LRP1B: variants seen among roughly 807,000 people sequenced by gnomAD.
LRP1B encodes low-density lipoprotein receptor-related protein 1B.
In LRP1B, 217 loss-of-function variants were observed where a neutral mutation model predicts 556.6. The ratio of observed to expected loss-of-function variants is 0.39; its 90% CI spans 0.35 to 0.44. The LOEUF (loss-of-function observed/expected upper bound fraction) is 0.44, where lower values mean the gene tolerates loss of function less well. Among genes scored for constraint, LRP1B ranks in the 20% least tolerant of loss-of-function variants. The pLI is 1.00. For missense variants in LRP1B, 5,053 were observed against 5,620.8 expected (o/e 0.90, Z 3.23); for synonymous variants, 2,047 against 1,865.8 (o/e 1.10, Z -2.50).
intron 3 of LRP1B, among the ~76,000 whole-genome samples, chr2:141,470,905 T>C (rs980930794): frequency 6.6e-6 from 1 of 152,228 alleles, no homozygotes; most frequent in African/African-American, 2.4e-5. Context: ...AGCTTGCTAA[T>C]GGTGAAATTA....
chr2:141,481,251 T>A (rs926513977), intron 2 of LRP1B, among the ~76,000 whole-genome samples: 9 of 152,150 alleles, frequency 5.9e-5, no homozygotes, highest in African/African-American at 2.2e-4. Flanking sequence ...TCTCAAAGTT[T>A]ACCCATTCCA....
At chr2:140,878,414 A>T (rs1321447084) in intron 25 of LRP1B, among the ~76,000 whole-genome samples, 2 of 152,178 alleles carry the variant, frequency 1.3e-5, no homozygotes, top group Non-Finnish European at 2.9e-5. Flanking sequence ...ATCACAAAAT[A>T]ATACAATATG....
At chr2:140,346,218 CT>C (rs1230084735) in intron 77 of LRP1B, among the ~76,000 whole-genome samples, 1 of 151,650 alleles carries the variant, frequency 6.6e-6, no homozygotes, top group Non-Finnish European at 1.5e-5. Flanking sequence ...CTGGTTCCCC[CT>C]AAAATGCTAC....
At chr2:141,414,683 C>G (rs1691019129) in intron 3 of LRP1B, among the ~76,000 whole-genome samples, 2 of 152,222 alleles carry the variant, frequency 1.3e-5, no homozygotes, top group African/African-American at 2.4e-5. Context: ...TTTCTGCAGT[C>G]TAGATGCCAA....
chr2:141,339,186 G>T, intron 3 of LRP1B, among the ~76,000 whole-genome samples: 1 of 146,250 alleles, frequency 6.8e-6, no homozygotes, highest in Admixed American at 6.8e-5. Flanking sequence ...AAAAGATATT[G>T]TTTTACTCTA....
At chr2:140,532,244 T>C (rs1690727740) in intron 47 of LRP1B, among the ~76,000 whole-genome samples, 1 of 152,168 alleles carries the variant, frequency 6.6e-6, no homozygotes, top group South Asian at 2.1e-4. Flanking sequence ...TTTTGAAATG[T>C]AAATTTGATT....
At chr2:141,899,010 T>A (rs1699538621) in intron 1 of LRP1B, among the ~76,000 whole-genome samples, 2 of 152,184 alleles carry the variant, frequency 1.3e-5, no homozygotes, top group Non-Finnish European at 2.9e-5. Context: ...TCTGCCAAAT[T>A]GTTCTCTATC....
intron 2 of LRP1B, among the ~76,000 whole-genome samples, chr2:141,661,495 T>C (rs748065191): frequency 7.9e-5 from 12 of 152,278 alleles, no homozygotes; most frequent in Non-Finnish European, 1.6e-4. Flanking sequence ...AATGACCTGA[T>C]GGACTTGAAA....
At chr2:140,412,802 G>C (rs1042199110) in intron 66 of LRP1B, among the ~76,000 whole-genome samples, 5 of 151,772 alleles carry the variant, frequency 3.3e-5, no homozygotes, top group Non-Finnish European at 7.4e-5. Flanking sequence ...CCATTAATAT[G>C]GTATCTACGT....
chr2:141,505,621 C>G (rs1239613000), intron 2 of LRP1B, among the ~76,000 whole-genome samples: 1 of 151,972 alleles, frequency 6.6e-6, no homozygotes, highest in Non-Finnish European at 1.5e-5. Context: ...TTTGTCCTCA[C>G]TAACTAAAAT....
intron 2 of LRP1B, among the ~76,000 whole-genome samples, chr2:141,660,752 C>G (rs985398391): frequency 1.3e-5 from 2 of 152,144 alleles, no homozygotes; most frequent in Admixed American, 6.5e-5. Flanking sequence ...CCCCTGCTGG[C>G]TCTGAAAAAT....
At position 141,792,307 on chromosome 2, in the gene LRP1B, CA is replaced by C. The variant is rs550316341; in HGVS notation, c.205+17971del. Among the ~76,000 whole-genome samples the C allele has an allele frequency of 8.5e-5, 13 of 152,054 alleles. No homozygotes were observed. The East Asian group carries it at 2.1e-3, about 25-fold the overall frequency. On this transcript the variant is annotated intron_variant, in intron 2 of 90. Coordinates refer to ENST00000389484, the MANE Select transcript of LRP1B (RefSeq NM_018557.3). ...ATTGATCTCAGACCCATACTTTTGA[CA>C]TTCAAAACTCAGAATCTTGTCTATT...
chr2:141,459,476 G>T (rs1333289970), intron 3 of LRP1B, among the ~76,000 whole-genome samples: 1 of 152,096 alleles, frequency 6.6e-6, no homozygotes, highest in Non-Finnish European at 1.5e-5. Flanking sequence ...GAAGTTCACT[G>T]CAATTTCTTT....
rs1349855210 is a variant in LRP1B, at chr2:140,858,390, C to CA, written c.4580-6608dup. On this transcript the variant is annotated intron_variant, in intron 27 of 90. Coordinates refer to ENST00000389484, the MANE Select transcript of LRP1B (RefSeq NM_018557.3). ...AGATACGAGTTAACAGTGAGGAGAA[C>CA]AATACAATGTATTATGTATGTATGT... Among the ~76,000 whole-genome samples, 61 of 150,918 alleles carry CA rather than the reference C, an allele frequency of 4.0e-4. 1 individual carries two copies. Among genetic ancestry groups the CA allele is most frequent in the Middle Eastern group, 7.0e-3 (2 of 286 alleles).
intron 20 of LRP1B, among the ~76,000 whole-genome samples, chr2:140,942,534 T>C (rs187222371): frequency 6.6e-6 from 1 of 152,202 alleles, no homozygotes; most frequent in African/African-American, 2.4e-5. Flanking sequence ...TAAAGGCAGC[T>C]AGAGACAAAA....
At chr2:140,748,784 A>AATATATATG (rs1491516393) in intron 35 of LRP1B, among the ~76,000 whole-genome samples, 8 of 43,062 alleles carry the variant, frequency 1.9e-4, no homozygotes, top group African/African-American at 4.5e-4. Flanking sequence ...ATATGTATAT[A>AATATATATG]ATATATATTA....
intron 3 of LRP1B, among the ~76,000 whole-genome samples, chr2:141,412,509 T>C (rs974603917): frequency 6.6e-6 from 1 of 152,192 alleles, no homozygotes; most frequent in African/African-American, 2.4e-5. Context: ...TCCTCTCAAC[T>C]ATATAATAGT....
chr2:141,836,845 T>C (rs1380939167), intron 1 of LRP1B, among the ~76,000 whole-genome samples: 2 of 152,014 alleles, frequency 1.3e-5, no homozygotes, highest in Non-Finnish European at 2.9e-5. Context: ...AAAATAATCT[T>C]AAAAATTAGC....
chr2:141,560,739 G>A (rs1468933855), intron 2 of LRP1B, among the ~76,000 whole-genome samples: 1 of 151,472 alleles, frequency 6.6e-6, no homozygotes, highest in Non-Finnish European at 1.5e-5. Context: ...TTTTTAGGAG[G>A]TTTTATAGAA....
Sources: gnomAD v4.1 joint callset for allele counts (sites outside exome capture counted in the v4.1 genomes callset) on GRCh38, gnomAD v4.1.1 for gene constraint, MANE v1.5 for transcripts, NCBI Gene and HGNC (gene_info 2026-07-23, HGNC 2026-07-21) for gene names.